Variants in PAK3 observed in about 807,000 individuals in gnomAD.
The protein encoded by PAK3 is serine/threonine-protein kinase PAK 3.
A neutral mutation model predicts 41.0 loss-of-function variants in PAK3; 4 were observed. The observed-to-expected ratio is 0.10, with a 90% CI of 0.05 to 0.22. The LOEUF (loss-of-function observed/expected upper bound fraction) is 0.22, where lower values mean the gene tolerates loss of function less well. PAK3 is among the 10% of genes least tolerant of loss of function. The pLI is 1.00. For missense variants in PAK3, 205 were observed against 409.9 expected, an observed-to-expected ratio of 0.50 and a Z score of 4.32; for synonymous variants, 146 against 139.6, an observed-to-expected ratio of 1.05 and a Z score of -0.32.
At chrX:111,145,467 A>G (rs181598908) in intron 6 of PAK3, among the ~76,000 whole-genome samples, 1 of 112,145 alleles carries the variant, frequency 8.9e-6, no homozygotes. Context: ...TCTAGTGGTT[A>G]TGTGCAATGC....
intron 6 of PAK3, chrX:111,146,488 T>A: frequency 9.9e-7 from 1 of 1,011,431 alleles, no homozygotes. Context: ...CTGTTTTAAC[T>A]TTCTTTTCTT....
At chrX:111,122,758 A>G (rs1053137886) in intron 4 of PAK3, among the ~76,000 whole-genome samples, 2 of 112,028 alleles carry the variant, frequency 1.8e-5, no homozygotes, top group Non-Finnish European at 3.8e-5. Flanking sequence ...AAGATTGTAA[A>G]TTGTTCACTA....
intron 1 of PAK3, among the ~76,000 whole-genome samples, chrX:111,084,104 C>T (rs886914281): frequency 1.8e-5 from 2 of 112,828 alleles, no homozygotes; most frequent in Admixed American, 9.3e-5. Context: ...GCATTTCTTG[C>T]GGTATAAAAT....
At chrX:110,958,639 T>A (rs771708510) in intron 1 of PAK3, among the ~76,000 whole-genome samples, 1 of 112,077 alleles carries the variant, frequency 8.9e-6, no homozygotes, top group East Asian at 2.8e-4. Context: ...TGGGGAAGTA[T>A]CCTGAAGCAG....
chrX:110,962,829 T>A (rs770765599), intron 1 of PAK3, among the ~76,000 whole-genome samples: 3 of 112,834 alleles, frequency 2.7e-5, no homozygotes, highest in Non-Finnish European at 5.6e-5. Flanking sequence ...ATAAGCTTAG[T>A]ATTTATCAGG....
intron 5 of PAK3, among the ~76,000 whole-genome samples, chrX:111,140,643 C>T (rs868735407): frequency 9.9e-5 from 11 of 111,492 alleles, no homozygotes; most frequent in Admixed American, 1.9e-4. Context: ...AGTTATATGG[C>T]ATATATGTAT....
intron 17 of PAK3, chrX:111,217,414 C>A (rs2094890896): frequency 1.7e-6 from 1 of 592,073 alleles, no homozygotes; most frequent in Admixed American, 3.2e-5. Flanking sequence ...TGCTATTTTT[C>A]TTTGTGATTT....
intron 16 of PAK3, among the ~76,000 whole-genome samples, chrX:111,212,894 A>G (rs2094836731): frequency 1.8e-5 from 2 of 112,244 alleles, no homozygotes; most frequent in Admixed American, 9.5e-5. Flanking sequence ...ATCCAGAGAG[A>G]ACCAGTATTC....
intron 1 of PAK3, among the ~76,000 whole-genome samples, chrX:111,021,536 A>T (rs2092182242): frequency 1.8e-5 from 2 of 111,527 alleles, no homozygotes; most frequent in East Asian, 5.7e-4. Context: ...CAATCTGAAC[A>T]GCAGCCATTG....
chrX:111,005,603 A>C (rs2091910946), intron 1 of PAK3, among the ~76,000 whole-genome samples: 1 of 111,550 alleles, frequency 9.0e-6, no homozygotes, highest in African/African-American at 3.3e-5. Context: ...AGTTGTGAGA[A>C]AGCAATGTCC....
Position 111,096,289 on chromosome X carries a change from A to G in PAK3, c.-479A>G, listed in dbSNP as rs2092980592. 9.0e-6 allele frequency: 1 copy of G among 111,560 alleles called. No homozygotes were observed. 9.2% of individuals were successfully genotyped at this position (111,560 alleles called of 1,213,427 possible). A position where few individuals can be genotyped will look rare whatever the true frequency, so the allele number is the denominator to read the frequency against. ...AGCCAGTGTGCGGGGGCGGGAGAAGAGCCAGGGGGAGCGGGCTGGGCCCGG... is the reference window on the plus strand; with the variant it reads ...AGCCAGTGTGCGGGGGCGGGAGAAGGGCCAGGGGGAGCGGGCTGGGCCCGG... On this transcript the variant is annotated 5_prime_UTR_variant, in exon 1 of 18. Coordinates refer to ENST00000372007, the MANE Select transcript of PAK3 (RefSeq NM_002578.5).
Position 111,201,423 on chromosome X carries a change from G to A in PAK3, c.1407+4783G>A, listed in dbSNP as rs549231721. Among the ~76,000 whole-genome samples the A allele has an allele frequency of 6.3e-5, 7 of 111,744 alleles. No individual in the cohort carries two copies. In the South Asian group the frequency reaches 2.2e-3, roughly 36 times the overall value. On this transcript the variant is annotated intron_variant, in intron 16 of 17. Coordinates refer to ENST00000372007, the MANE Select transcript of PAK3 (RefSeq NM_002578.5). ...GATCCTGGTGCCCAGGCCATATGTGGGGAAATAGAAAATAATCCAGAGCTT... is the reference window on the plus strand; with the variant it reads ...GATCCTGGTGCCCAGGCCATATGTGAGGAAATAGAAAATAATCCAGAGCTT...
intron 11 of PAK3, among the ~76,000 whole-genome samples, chrX:111,174,281 G>T (rs1409696387): frequency 9.0e-6 from 1 of 111,053 alleles, no homozygotes; most frequent in Non-Finnish European, 1.9e-5. Flanking sequence ...GGAAATAAGG[G>T]AAAGCATTCA....
At chrX:111,081,221 G>A (rs1159483611) in intron 1 of PAK3, among the ~76,000 whole-genome samples, 1 of 111,503 alleles carries the variant, frequency 9.0e-6, no homozygotes, top group Non-Finnish European at 1.9e-5. Flanking sequence ...GGCCAGGTAC[G>A]GTGGCTCATG....
chrX:111,029,811 A>G (rs988085289), intron 1 of PAK3, among the ~76,000 whole-genome samples: 1 of 111,986 alleles, frequency 8.9e-6, no homozygotes, highest in Admixed American at 9.5e-5. Context: ...ATTGCACTAT[A>G]TGTGATGAAA....
At chrX:111,175,254 A>G (rs1053135287) in intron 11 of PAK3, among the ~76,000 whole-genome samples, 1 of 111,676 alleles carries the variant, frequency 9.0e-6, no homozygotes, top group African/African-American at 3.3e-5. Context: ...ACATTTGGCT[A>G]CTGAGCACTT....
chrX:111,101,061 A>G (rs917158145), intron 3 of PAK3, among the ~76,000 whole-genome samples: 4 of 112,335 alleles, frequency 3.6e-5, no homozygotes, highest in African/African-American at 1.3e-4. Context: ...AACACAGTAC[A>G]GACACATAGC....
intron 1 of PAK3, among the ~76,000 whole-genome samples, chrX:110,989,552 A>G (rs1218210998): frequency 8.9e-6 from 1 of 112,075 alleles, no homozygotes; most frequent in Non-Finnish European, 1.9e-5. Context: ...ATTTGCACCA[A>G]AGAAAATATG....
At chrX:111,139,589 T>G (rs745997766) in intron 5 of PAK3, among the ~76,000 whole-genome samples, 1 of 112,159 alleles carries the variant, frequency 8.9e-6, no homozygotes, top group South Asian at 3.7e-4. Flanking sequence ...AGGAGCAAAC[T>G]TGGGCTTCCT....
Sources: allele counts gnomAD v4.1 joint callset (sites outside exome capture counted in the v4.1 genomes callset), GRCh38; gene constraint gnomAD v4.1.1; transcripts MANE v1.5; gene names NCBI Gene and HGNC (gene_info 2026-07-23, HGNC 2026-07-21).